Variants in MGAT5B observed in about 807,000 individuals in gnomAD.
The protein encoded by MGAT5B is N-acetylglucosaminyl-transferase Vb.
In MGAT5B, 54 loss-of-function variants were observed where a neutral mutation model predicts 95.1. That is an observed-to-expected ratio of 0.57 (90% CI 0.46 to 0.71). The LOEUF (loss-of-function observed/expected upper bound fraction) is 0.71, where lower values mean the gene tolerates loss of function less well. Among genes scored for constraint, MGAT5B ranks in the 30% least tolerant of loss-of-function variants. The pLI is 0.00. For synonymous variants in MGAT5B, 464 were observed against 451.0 expected, an observed-to-expected ratio of 1.03 and a Z score of -0.36; for missense variants, 935 against 1,088.6, an observed-to-expected ratio of 0.86 and a Z score of 1.99.
intron 11 of MGAT5B, among the ~76,000 whole-genome samples, 183 bp from the exon 12 acceptor site, chr17:76,933,109 C>T (rs1969548048): frequency 6.6e-6 from 1 of 152,130 alleles, no homozygotes; most frequent in South Asian, 2.1e-4. Context: ...GGTGGTCAGG[C>T]TAGACTTGGG....
chr17:76,894,136 A>C (rs1042951423), intron 3 of MGAT5B, among the ~76,000 whole-genome samples: 1 of 152,180 alleles, frequency 6.6e-6, no homozygotes, highest in African/African-American at 2.4e-5. Context: ...GTGTCCAGGC[A>C]TTCATTAGGG....
intron 1 of MGAT5B, chr17:76,872,551 G>T: frequency 1.0e-6 from 1 of 990,836 alleles, no homozygotes; most frequent in Non-Finnish European, 1.4e-6. Flanking sequence ...CAGGACTGCA[G>T]CTGTTAATGA....
rs971473420 is a variant in MGAT5B at position 76,869,689 on chromosome 17, G to T, written c.68+592G>T. Among the ~76,000 whole-genome samples the T allele has an allele frequency of 2.0e-5, 3 of 152,234 alleles. No individual in the cohort carries two copies. The highest frequency in any genetic ancestry group is 6.5e-5 in the Admixed American group (1 of 15,286). Reference sequence around the variant, plus strand: ...CTCATCCCAGGATTCGCCCCCGATCGCAGGCGTCGGAGAGGCGGGGGCAGG... The same window carrying T: ...CTCATCCCAGGATTCGCCCCCGATCTCAGGCGTCGGAGAGGCGGGGGCAGG... On this transcript the variant is annotated intron_variant, in intron 1 of 17. Transcript: ENST00000569840. The surrounding 1 kb of genome is among the most constrained non-coding windows in gnomAD (Gnocchi z 7.0).
chr17:76,903,370 G>A lies in MGAT5B; in HGVS notation c.513G>A (p.Lys171=). 2.5e-6 allele frequency: 4 copies of A among 1,610,136 alleles called. No individual in the cohort carries two copies. Among genetic ancestry groups the A allele is most frequent in the Non-Finnish European group, 3.4e-6 (4 of 1,178,066 alleles). Residue 171 remains lysine, a synonymous_variant, in exon 5 of 18, where the codon AAG becomes AAA. Coordinates refer to ENST00000569840, the MANE Select transcript of MGAT5B (RefSeq NM_001199172.2). ...SDPKFPDCSG[K]VEWMRARWTS... is the part of the protein sequence containing the mutation. ...CCAAGTTCCCTGACTGCTCAGGGAA[G>A]GTGGAGGTGAGGCCTGGGGCTGAGG...
intron 15 of MGAT5B, among the ~76,000 whole-genome samples, chr17:76,944,722 CA>C (rs755347697): frequency 6.6e-6 from 1 of 152,222 alleles, no homozygotes; most frequent in Non-Finnish European, 1.5e-5. Context: ...TCAAGGACAT[CA>C]GTGACTGCCG....
At chr17:76,899,300 C>A (rs1348385931) in intron 3 of MGAT5B, among the ~76,000 whole-genome samples, 1 of 152,174 alleles carries the variant, frequency 6.6e-6, no homozygotes, top group African/African-American at 2.4e-5. Flanking sequence ...GTCTCCAGCT[C>A]TGAGCCTGCA....
intron 3 of MGAT5B, among the ~76,000 whole-genome samples, chr17:76,885,826 T>C (rs945107162): frequency 6.6e-6 from 1 of 152,230 alleles, no homozygotes; most frequent in Non-Finnish European, 1.5e-5. Context: ...ACCCTGAACC[T>C]GACTCCAGGT....
At position 76,916,892 on chromosome 17, in the gene MGAT5B, C is replaced by T. The variant is rs1044986001; in HGVS notation, c.1026-8074C>T. On this transcript the variant is annotated intron_variant, in intron 8 of 17. Coordinates refer to ENST00000569840, the MANE Select transcript of MGAT5B (RefSeq NM_001199172.2). This position sits in a 1 kb window ranked among gnomAD's most constrained non-coding sequence, Gnocchi z 5.3. The stretch of plus-strand genomic sequence containing the variant: ...ATCTGTCAGGGAGACTGGAAGGAGC[C>T]ACCCACGGGAAGGGTCAAACTCAGG... Among the ~76,000 whole-genome samples the T allele has an allele frequency of 1.3e-5, 2 of 152,126 alleles. No individual in the cohort carries two copies. Among genetic ancestry groups the T allele is most frequent in the Non-Finnish European group, 2.9e-5 (2 of 68,024 alleles).
At chr17:76,925,536 C>T (rs1969286602) in intron 9 of MGAT5B, among the ~76,000 whole-genome samples, 1 of 151,864 alleles carries the variant, frequency 6.6e-6, no homozygotes. Context: ...AAGGCCATCG[C>T]TCCCTGTCTC....
At chr17:76,945,450 T>C (rs1276772861) in intron 15 of MGAT5B, among the ~76,000 whole-genome samples, 1 of 152,048 alleles carries the variant, frequency 6.6e-6, no homozygotes, top group East Asian at 1.9e-4. Context: ...CCACCACGCC[T>C]AGCTAATTTT....
At chr17:76,948,337 C>T (rs1970100863) in intron 17 of MGAT5B, among the ~76,000 whole-genome samples, 1 of 152,344 alleles carries the variant, frequency 6.6e-6, no homozygotes, top group South Asian at 2.1e-4. Context: ...TCCACCCACT[C>T]AGCCCCCTGC....
intron 12 of MGAT5B, among the ~76,000 whole-genome samples, chr17:76,934,337 CGCCGA>C (rs1019979067): frequency 1.5e-4 from 23 of 152,300 alleles, no homozygotes; most frequent in Admixed American, 1.4e-3. Context: ...AGCTAGTAAG[CGCCGA>C]GCTGATGTTC....
Position 76,917,776 on chromosome 17 carries a change from G to A in MGAT5B, c.1026-7190G>A, listed in dbSNP as rs780983485. Among the ~76,000 whole-genome samples, 3 of 152,164 alleles carry A rather than the reference G, an allele frequency of 2.0e-5. No homozygotes were observed. Among genetic ancestry groups the A allele is most frequent in the East Asian group, 1.9e-4 (1 of 5,176 alleles). On this transcript the variant is annotated intron_variant, in intron 8 of 17. Coordinates refer to ENST00000569840, the MANE Select transcript of MGAT5B (RefSeq NM_001199172.2). This position sits in a 1 kb window ranked among gnomAD's most constrained non-coding sequence, Gnocchi z 6.1. The stretch of plus-strand genomic sequence containing the variant: ...AGCCCCTGGCACACAGGAGTCACCC[G>A]AGGAGCTGAAAATAATCCCCGACGC...
At chr17:76,875,748 G>C (rs551817915) in intron 2 of MGAT5B, among the ~76,000 whole-genome samples, 30 of 143,674 alleles carry the variant, frequency 2.1e-4, no homozygotes, top group Non-Finnish European at 3.7e-4. Flanking sequence ...TGGGCATTTG[G>C]TCGTTTCCAG....
At chr17:76,900,542 C>T (rs894092215) in intron 3 of MGAT5B, among the ~76,000 whole-genome samples, 3 of 152,170 alleles carry the variant, frequency 2.0e-5, no homozygotes, top group African/African-American at 7.2e-5. Context: ...AGGCAGAGGT[C>T]GGGGTGGAGC....
At position 76,940,493 on chromosome 17, in the gene MGAT5B, C is replaced by T. The variant is rs1486503978; in HGVS notation, c.1676C>T (p.Pro559Leu). The T allele has an allele frequency of 3.1e-6, 5 of 1,613,816 alleles. No individual in the cohort carries two copies. In the Admixed American group the frequency reaches 6.7e-5, roughly 22 times the overall value. ...ATCTTCCTGCAGTCCCGCTTCAGCC[C>T]GCCCCACAGCTCCCTCAACCACGAG... The part of the protein sequence containing the change: ...GCIFLQSRFS[P>L]PHSSLNHEFF... The change falls in exon 14 of 18, where the codon CCG becomes CTG. Residue 559 changes from proline to leucine, a missense_variant. This residue lies in a region of MGAT5B where 440 missense variants were observed against 523.6 expected (regional missense o/e 0.84). Coordinates refer to ENST00000569840, the MANE Select transcript of MGAT5B (RefSeq NM_001199172.2). The surrounding 1 kb of genome is among the most constrained non-coding windows in gnomAD (Gnocchi z 4.3).
rs1468513856 is a variant in MGAT5B at position 76,868,454 on chromosome 17, G to C, written c.-576G>C. 6.6e-6 allele frequency: 1 copy of C among 150,590 alleles called. No homozygotes were observed. Among genetic ancestry groups the C allele is most frequent in the East Asian group, 1.9e-4 (1 of 5,164 alleles). 9.3% of individuals were successfully genotyped at this position (150,590 alleles called of 1,614,324 possible). A position where few individuals can be genotyped will look rare whatever the true frequency, so the allele number is the denominator to read the frequency against. ...ATGCGGCGCCTCCGGGCGTAGCGTC[G>C]CGCGGGGCCGGACGCCGGACACCAG... On this transcript the variant is annotated 5_prime_UTR_variant, in exon 1 of 18. Coordinates refer to ENST00000569840, the MANE Select transcript of MGAT5B (RefSeq NM_001199172.2). The surrounding 1 kb of genome is among the most constrained non-coding windows in gnomAD (Gnocchi z 6.3).
intron 4 of MGAT5B, 47 bp from the exon 5 acceptor site, chr17:76,903,256 G>A (rs1555591642): frequency 1.3e-6 from 2 of 1,501,902 alleles, no homozygotes; most frequent in East Asian, 2.4e-5. Flanking sequence ...CCCTCCCTGG[G>A]CTCCTCCTTG....
intron 4 of MGAT5B, among the ~76,000 whole-genome samples, 193 bp from the exon 5 acceptor site, chr17:76,903,110 A>G (rs1469956478): frequency 6.6e-6 from 1 of 152,132 alleles, no homozygotes; most frequent in East Asian, 1.9e-4. Context: ...TCCTCACTGC[A>G]TCTGAACCCC....
Sources: gnomAD v4.1 joint callset for allele counts (sites outside exome capture counted in the v4.1 genomes callset) on GRCh38, gnomAD v4.1.1 for gene constraint, gnomAD v4.1.1 regional missense constraint, Gnocchi (gnomAD v3.1) non-coding constraint, MANE v1.5 for transcripts, NCBI Gene and HGNC (gene_info 2026-07-23, HGNC 2026-07-21) for gene names.